The following GABBR2 variants were observed in gnomAD, a reference collection of about 807,000 sequenced individuals.
GABBR2 encodes G-protein coupled receptor 51.
Under a neutral mutation model 105.6 loss-of-function variants are expected in GABBR2, and 23 were observed. The observed-to-expected ratio is 0.22, with a 90% CI of 0.16 to 0.31. GABBR2 has a LOEUF of 0.31. Among genes scored for constraint, GABBR2 ranks in the 10% least tolerant of loss-of-function variants. The pLI, the probability that GABBR2 is intolerant of heterozygous loss-of-function variation, is 1.00. For synonymous variants in GABBR2, 478 were observed against 499.7 expected, an observed-to-expected ratio of 0.96 and a Z score of 0.58; for missense variants, 734 against 1,245.5, an observed-to-expected ratio of 0.59 and a Z score of 6.18.
chr9:98,380,637 G>T (rs781498768), intron 11 of GABBR2, among the ~76,000 whole-genome samples: 1 of 152,318 alleles, frequency 6.6e-6, no homozygotes, highest in Admixed American at 6.5e-5. Context: ...GAGACAGCAC[G>T]GGGTATAGCT....
intron 13 of GABBR2, among the ~76,000 whole-genome samples, chr9:98,353,265 G>C (rs895296181): frequency 6.6e-6 from 1 of 152,272 alleles, no homozygotes; most frequent in Admixed American, 6.5e-5. Context: ...TTTATCATGA[G>C]ATTGCAGCAA....
intron 15 of GABBR2, among the ~76,000 whole-genome samples, chr9:98,305,018 C>T (rs988206609): frequency 1.3e-5 from 2 of 152,110 alleles, no homozygotes; most frequent in African/African-American, 4.8e-5. Context: ...AGTGATCCTC[C>T]TTCCTTGGTC....
intron 1 of GABBR2, among the ~76,000 whole-genome samples, chr9:98,605,891 G>C (rs753095996): frequency 6.6e-6 from 1 of 152,038 alleles, no homozygotes; most frequent in Non-Finnish European, 1.5e-5. Context: ...CGTCATTTAC[G>C]TTAGGTATAT....
At chr9:98,553,662 A>G (rs1247794839) in intron 2 of GABBR2, among the ~76,000 whole-genome samples, 1 of 152,208 alleles carries the variant, frequency 6.6e-6, no homozygotes, top group East Asian at 1.9e-4. Context: ...ATTATGAAAT[A>G]ATGAGCACGT....
intron 5 of GABBR2, among the ~76,000 whole-genome samples, chr9:98,474,494 G>C (rs1348245137): frequency 6.6e-6 from 1 of 152,166 alleles, no homozygotes; most frequent in Non-Finnish European, 1.5e-5. Flanking sequence ...ACCCAGAAGT[G>C]ACTACAGAGA....
At position 98,622,548 on chromosome 9, in the gene GABBR2, G is replaced by A. The variant is rs572957131; in HGVS notation, c.322-44476C>T. Among the ~76,000 whole-genome samples the A allele has an allele frequency of 2.3e-4, 35 of 152,260 alleles. No individual in the cohort carries two copies. The East Asian group carries it at 5.6e-3, about 24-fold the overall frequency. On this transcript the variant is annotated intron_variant, in intron 1 of 18. Transcript: ENST00000259455. ...ACTGCAGTCTAGGCAAGTTTCAAGA[G>A]AAGCAAGAGTGATTAAGACCCACAC... is the stretch of plus-strand genomic sequence containing the variant.
rs1831779671 is a variant in GABBR2, at chr9:98,371,384, G to T, written c.1770+80C>A. Reference sequence around the variant, plus strand: ...TTGGATCCCCAGCAAATAGCTCAGTGCCTGGAATATAGTATATACTTGCTA... The same window carrying T: ...TTGGATCCCCAGCAAATAGCTCAGTTCCTGGAATATAGTATATACTTGCTA... On this transcript the variant is annotated intron_variant, in intron 12 of 18. Transcript: ENST00000259455. The T allele has an allele frequency of 7.7e-6, 6 of 778,094 alleles. No homozygotes were observed. In the Admixed American group the frequency reaches 1.2e-4, roughly 16 times the overall value. The allele number at this position is 778,094 out of a possible 1,614,324, so 48.2% of individuals were successfully genotyped here.
chr9:98,589,416 G>A (rs1339777453), intron 1 of GABBR2, among the ~76,000 whole-genome samples: 1 of 152,148 alleles, frequency 6.6e-6, no homozygotes, highest in Non-Finnish European at 1.5e-5. Flanking sequence ...TAACTTTCAT[G>A]CATGAAACTT....
intron 2 of GABBR2, among the ~76,000 whole-genome samples, chr9:98,561,629 C>T (rs1184096499): frequency 6.6e-6 from 1 of 152,088 alleles, no homozygotes; most frequent in Non-Finnish European, 1.5e-5. Flanking sequence ...CACCTATAAC[C>T]CCAGCACTTC....
At chr9:98,387,682 C>CT in intron 10 of GABBR2, among the ~76,000 whole-genome samples, 1 of 152,022 alleles carries the variant, frequency 6.6e-6, no homozygotes, top group Admixed American at 6.5e-5. Flanking sequence ...ATTCCAGCAA[C>CT]TTGGGAGGCT....
intron 7 of GABBR2, among the ~76,000 whole-genome samples, chr9:98,406,548 C>T (rs75581463): frequency 4.2e-3 from 634 of 152,304 alleles, no homozygotes; most frequent in Non-Finnish European, 7.0e-3. Flanking sequence ...CATAAAGATA[C>T]GGGGTATTGC....
At chr9:98,441,966 A>T (rs1564070495) in intron 7 of GABBR2, among the ~76,000 whole-genome samples, 1 of 152,212 alleles carries the variant, frequency 6.6e-6, no homozygotes, top group African/African-American at 2.4e-5. Context: ...GTGTCCCATG[A>T]GTCTGTCTGA....
intron 1 of GABBR2, chr9:98,608,207 T>C: frequency 1.1e-6 from 1 of 875,196 alleles, no homozygotes; most frequent in Non-Finnish European, 1.8e-6. Flanking sequence ...TTGGATCCGT[T>C]TGACCAATTT....
chr9:98,429,777 T>G (rs113057824), intron 7 of GABBR2, among the ~76,000 whole-genome samples: 9 of 152,282 alleles, frequency 5.9e-5, no homozygotes, highest in African/African-American at 2.2e-4. Flanking sequence ...AACAGATGTC[T>G]TCTCTTGACT....
intron 12 of GABBR2, among the ~76,000 whole-genome samples, chr9:98,368,918 G>T (rs1034292483): frequency 1.3e-5 from 2 of 152,152 alleles, no homozygotes; most frequent in South Asian, 4.1e-4. Flanking sequence ...GTCAGGGCGG[G>T]GCCCAGGAAC....
At chr9:98,705,336 GAAGAGAGTC>G (rs1482569356) in intron 1 of GABBR2, among the ~76,000 whole-genome samples, 2 of 152,218 alleles carry the variant, frequency 1.3e-5, no homozygotes, top group African/African-American at 4.8e-5. Context: ...TCTACTTACA[GAAGAGAGTC>G]AATCTGGTTG....
At chr9:98,403,950 C>T (rs771914090) in intron 8 of GABBR2, among the ~76,000 whole-genome samples, 19 of 151,906 alleles carry the variant, frequency 1.3e-4, no homozygotes, top group Non-Finnish European at 2.4e-4. Context: ...GACTGGATCT[C>T]GGGTGGGTCG....
chr9:98,481,746 A>G (rs923888552), intron 4 of GABBR2, among the ~76,000 whole-genome samples: 10 of 152,254 alleles, frequency 6.6e-5, no homozygotes, highest in Non-Finnish European at 1.3e-4. Flanking sequence ...TGCTTAACAC[A>G]GTGCCTAGCA....
chr9:98,378,053 T>C (rs1313823935), intron 11 of GABBR2, among the ~76,000 whole-genome samples: 1 of 152,196 alleles, frequency 6.6e-6, no homozygotes, highest in Non-Finnish European at 1.5e-5. Flanking sequence ...ACTTCTCAAC[T>C]GCCTCAAAAA....
Sources: allele counts gnomAD v4.1 joint callset (sites outside exome capture counted in the v4.1 genomes callset), GRCh38; gene constraint gnomAD v4.1.1; transcripts MANE v1.5; gene names NCBI Gene and HGNC (gene_info 2026-07-23, HGNC 2026-07-21).